The following PHACTR3 variants were observed in gnomAD, a reference collection of about 807,000 sequenced individuals.
The protein encoded by PHACTR3 is protein phosphatase 1, regulatory subunit 123.
PHACTR3 carries 16 observed loss-of-function variants against 66.8 expected under a neutral mutation model. The observed-to-expected ratio is 0.24, with a 90% CI of 0.16 to 0.36. PHACTR3 has a LOEUF of 0.36. PHACTR3 is among the 10% of genes least tolerant of loss of function. The probability of loss-of-function intolerance (pLI) is 1.00; values close to 1 mark genes in which losing one functional copy is unlikely to be tolerated. For missense variants in PHACTR3, 647 were observed against 719.9 expected, an observed-to-expected ratio of 0.90 and a Z score of 1.16; for synonymous variants, 323 against 292.1, an observed-to-expected ratio of 1.11 and a Z score of -1.08.
chr20:59,831,150 T>C (rs35275525), intron 8 of PHACTR3, among the ~76,000 whole-genome samples: 6,141 of 152,206 alleles, frequency 0.04, 151 homozygotes, highest in Middle Eastern at 0.1. Context: ...GCCTGTGGGG[T>C]CACCTGTTTG....
intron 7 of PHACTR3, among the ~76,000 whole-genome samples, chr20:59,780,580 T>C (rs1033728535): frequency 6.6e-6 from 1 of 152,162 alleles, no homozygotes; most frequent in African/African-American, 2.4e-5. Context: ...TCCAAGACCC[T>C]ACCCCCCGAA....
intron 4 of PHACTR3, among the ~76,000 whole-genome samples, chr20:59,763,102 G>C (rs1381486205): frequency 6.6e-6 from 1 of 152,102 alleles, no homozygotes; most frequent in Non-Finnish European, 1.5e-5. Context: ...AGGCCAGGTG[G>C]AGGCAATTGA....
chr20:59,719,432 G>A (rs922296381), intron 1 of PHACTR3, among the ~76,000 whole-genome samples: 6 of 152,088 alleles, frequency 3.9e-5, no homozygotes, highest in African/African-American at 1.2e-4. Flanking sequence ...CAAAGTGTTG[G>A]GATTATAGGC....
At chr20:59,728,259 G>T (rs1293836785) in intron 1 of PHACTR3, among the ~76,000 whole-genome samples, 2 of 152,028 alleles carry the variant, frequency 1.3e-5, no homozygotes, top group African/African-American at 4.8e-5. Flanking sequence ...ATGATCTTGG[G>T]GGTCATCTGT....
At chr20:59,708,231 G>A (rs748732674) in intron 1 of PHACTR3, among the ~76,000 whole-genome samples, 4 of 152,210 alleles carry the variant, frequency 2.6e-5, no homozygotes, top group African/African-American at 9.7e-5. Flanking sequence ...AGCTGGGCAC[G>A]TGCTACTGTA....
In PHACTR3 at chr20:59,619,947, C is replaced by T. The variant is rs528916561; in HGVS notation, c.118+14815C>T. On this transcript the variant is annotated intron_variant, in intron 1 of 12. Transcript: ENST00000371015. ...TGTCCTGAGGCCGCAGGAGGAGTGG[C>T]CTGGAGGCTGTGCCAGCTGTGAAAG... 1.4e-4 allele frequency among the ~76,000 whole-genome samples: 21 copies of T among 152,236 alleles called. No homozygotes were observed. In the South Asian group the frequency reaches 4.1e-3, roughly 30 times the overall value.
intron 1 of PHACTR3, among the ~76,000 whole-genome samples, chr20:59,677,737 G>T (rs1408096311): frequency 1.3e-5 from 2 of 152,190 alleles, no homozygotes; most frequent in Admixed American, 1.3e-4. Flanking sequence ...CTTTTGTGGA[G>T]TGTGGTTTGC....
chr20:59,760,967 C>T (rs1443777202), intron 4 of PHACTR3, among the ~76,000 whole-genome samples: 1 of 152,042 alleles, frequency 6.6e-6, no homozygotes, highest in Non-Finnish European at 1.5e-5. Context: ...TTTCCCAGGC[C>T]ATAGAGCATA....
chr20:59,812,923 C>G (rs1254980744), intron 8 of PHACTR3, among the ~76,000 whole-genome samples: 1 of 152,154 alleles, frequency 6.6e-6, no homozygotes, highest in African/African-American at 2.4e-5. Flanking sequence ...CTGGGTCTCA[C>G]AGTTCATGAA....
intron 7 of PHACTR3, among the ~76,000 whole-genome samples, chr20:59,779,500 A>ACATTGTTT (rs1283231710): frequency 6.6e-6 from 1 of 152,208 alleles, no homozygotes; most frequent in African/African-American, 2.4e-5. Flanking sequence ...CTCGCCTGAT[A>ACATTGTTT]CATTGTTTTC....
At chr20:59,758,270 TAATG>T (rs968238828) in intron 4 of PHACTR3, among the ~76,000 whole-genome samples, 2 of 152,202 alleles carry the variant, frequency 1.3e-5, no homozygotes, top group African/African-American at 2.4e-5. Flanking sequence ...GTTCAATTAA[TAATG>T]AAAAAGTTTA....
intron 1 of PHACTR3, among the ~76,000 whole-genome samples, chr20:59,598,391 C>T (rs745421319): frequency 5.3e-5 from 8 of 152,198 alleles, no homozygotes; most frequent in Non-Finnish European, 7.3e-5. Context: ...CACTTACACA[C>T]GGAGGCTCAG....
chr20:59,799,753 C>G (rs919583776), intron 7 of PHACTR3, among the ~76,000 whole-genome samples: 5 of 152,086 alleles, frequency 3.3e-5, no homozygotes, highest in Admixed American at 2.0e-4. Context: ...TTAATCCATT[C>G]TGAAAATTTT....
intron 1 of PHACTR3, among the ~76,000 whole-genome samples, chr20:59,701,889 C>A (rs2037519460): frequency 6.6e-6 from 1 of 152,230 alleles, no homozygotes; most frequent in Non-Finnish European, 1.5e-5. Context: ...GAACCCCTGG[C>A]AACCACAGAT....
intron 1 of PHACTR3, among the ~76,000 whole-genome samples, chr20:59,654,775 A>C (rs190898158): frequency 6.6e-6 from 1 of 152,110 alleles, no homozygotes; most frequent in Non-Finnish European, 1.5e-5. Flanking sequence ...AGAGACAATT[A>C]CTTTCCATAG....
intron 1 of PHACTR3, among the ~76,000 whole-genome samples, chr20:59,634,729 G>A (rs531469259): frequency 1.3e-5 from 2 of 152,264 alleles, no homozygotes; most frequent in Non-Finnish European, 2.9e-5. Context: ...ATAGGTGAGC[G>A]CCATCCAGCA....
chr20:59,755,583 T>C (rs17732305), intron 4 of PHACTR3, among the ~76,000 whole-genome samples: 3,372 of 152,304 alleles, frequency 0.022, 59 homozygotes, highest in Non-Finnish European at 0.035. Flanking sequence ...CTGGCACGGC[T>C]GATAAGTGAA....
chr20:59,770,225 C>T (rs1428608758), intron 5 of PHACTR3, among the ~76,000 whole-genome samples: 3 of 152,242 alleles, frequency 2.0e-5, no homozygotes, highest in Non-Finnish European at 4.4e-5. Context: ...GACACTTATG[C>T]GTTTCCATAG....
At chr20:59,783,036 A>G (rs569532581) in intron 7 of PHACTR3, among the ~76,000 whole-genome samples, 5 of 152,290 alleles carry the variant, frequency 3.3e-5, no homozygotes, top group Non-Finnish European at 7.4e-5. Context: ...TGCCATTTTA[A>G]GTGTGGGGAG....
Sources: allele counts gnomAD v4.1 joint callset (sites outside exome capture counted in the v4.1 genomes callset), GRCh38; gene constraint gnomAD v4.1.1; transcripts MANE v1.5; gene names NCBI Gene and HGNC (gene_info 2026-07-23, HGNC 2026-07-21).